The following ST7 variants were observed in gnomAD, a reference collection of about 807,000 sequenced individuals.
The protein encoded by ST7 is suppressor of tumorigenicity 7 protein.
ST7 carries 28 observed loss-of-function variants against 78.7 expected under a neutral mutation model. The observed-to-expected ratio is 0.36, with a 90% confidence interval of 0.26 to 0.49. The LOEUF (loss-of-function observed/expected upper bound fraction) is 0.49, where lower values mean the gene tolerates loss of function less well. Ranked by LOEUF, ST7 falls within the 20% of genes least tolerant of loss-of-function variation. The pLI, the probability that ST7 is intolerant of heterozygous loss-of-function variation, is 0.99. For missense variants in ST7, 418 were observed against 696.0 expected (o/e 0.60, Z 4.49); for synonymous variants, 247 against 249.6 (o/e 0.99, Z 0.10).
intron 7 of ST7, among the ~76,000 whole-genome samples, 200 bp from the exon 8 acceptor site, chr7:117,135,881 G>A (rs113684305): frequency 3.3e-5 from 5 of 152,178 alleles, no homozygotes; most frequent in Middle Eastern, 6.8e-3. Flanking sequence ...TTAACACTAC[G>A]CATCCTACCT....
intron 1 of ST7, among the ~76,000 whole-genome samples, chr7:117,032,902 C>A (rs1339923893): frequency 1.3e-5 from 2 of 152,108 alleles, no homozygotes; most frequent in Non-Finnish European, 2.9e-5. Context: ...TCCAGGCAGG[C>A]CTACTCTGTT....
intron 1 of ST7, chr7:116,959,008 GA>G: frequency 2.8e-6 from 1 of 353,786 alleles, no homozygotes; most frequent in Non-Finnish European, 5.5e-6. Flanking sequence ...CCTTTCCAGA[GA>G]AAGATTTCTC....
chr7:117,211,431 A>G (rs754785857), intron 13 of ST7, among the ~76,000 whole-genome samples: 3 of 152,202 alleles, frequency 2.0e-5, no homozygotes, highest in Admixed American at 6.5e-5. Context: ...AACACAATAC[A>G]TGTTTATTTA....
At chr7:116,984,752 A>G (rs990850929) in intron 1 of ST7, among the ~76,000 whole-genome samples, 1 of 152,208 alleles carries the variant, frequency 6.6e-6, no homozygotes, top group South Asian at 2.1e-4. Context: ...AGTGCTCAAT[A>G]TAGGCATTTG....
rs751920618 is a variant in ST7 at position 117,229,891 on chromosome 7, G to A, written c.*34G>A. On this transcript the variant is annotated 3_prime_UTR_variant, in exon 16 of 16. Transcript: ENST00000323984. Reference sequence around the variant, plus strand: ...CTGTCCTCCACTCACCTCACCCGCCGCTGCCACCATCTCCTCTGTGCCAAC... The same window carrying A: ...CTGTCCTCCACTCACCTCACCCGCCACTGCCACCATCTCCTCTGTGCCAAC... 5.8e-6 allele frequency: 9 copies of A among 1,559,826 alleles called. No homozygotes were observed. In the Admixed American group the frequency reaches 6.7e-5, roughly 12 times the overall value.
rs1028710831 is a variant in ST7 at position 117,098,923 on chromosome 7, C to A, written c.152-839C>A. On this transcript the variant is annotated intron_variant, in intron 1 of 15. Transcript: ENST00000323984. ...AAAATACTTGTAAGTGAACCCTAAT[C>A]AGTGAGCAACAAGGTTAACTGAATA... 9.9e-6 allele frequency: 10 copies of A among 1,007,834 alleles called. No individual in the cohort carries two copies. The African/African-American group carries it at 1.0e-4, about 10-fold the overall frequency. The allele number at this position is 1,007,834 out of a possible 1,614,324, so 62.4% of individuals were successfully genotyped here. A position where few individuals can be genotyped will look rare whatever the true frequency, so the allele number is the denominator to read the frequency against.
chr7:117,140,113 T>G (rs1805150144), intron 9 of ST7, among the ~76,000 whole-genome samples: 1 of 152,238 alleles, frequency 6.6e-6, no homozygotes, highest in Admixed American at 6.5e-5. Context: ...AGGTTTTTTC[T>G]GTCAGTCTCT....
In ST7 at chr7:117,201,633, AC is replaced by A. The variant is rs1375392327; in HGVS notation, c.1255-8153del. On this transcript the variant is annotated intron_variant, in intron 12 of 15. Coordinates refer to ENST00000323984, the MANE Select transcript of ST7 (RefSeq NM_001369598.1). ...GAATGCAGTGGTGCTATCATGGCTC[AC>A]TGCAGCCTCGACCTCCCAAGCTCAA... Among the ~76,000 whole-genome samples, 4 of 151,048 alleles carry A rather than the reference AC, an allele frequency of 2.6e-5. No homozygotes were observed. In the South Asian group the frequency reaches 8.4e-4, roughly 32 times the overall value.
intron 1 of ST7, among the ~76,000 whole-genome samples, chr7:117,003,216 GCC>G (rs1276930469): frequency 4.6e-5 from 7 of 150,540 alleles, no homozygotes; most frequent in Admixed American, 4.6e-4. Flanking sequence ...AGTGTCATGA[GCC>G]CCACCTGGGC....
rs1468751231 is a variant in ST7 at position 117,053,415 on chromosome 7, G to A, written c.152-46347G>A. Reference sequence around the variant, plus strand: ...TAGGGAAGTCAGCTCTGTTACTCACGGGGATCTTTGCCCTCCTCCTTTGAA... The same window carrying A: ...TAGGGAAGTCAGCTCTGTTACTCACAGGGATCTTTGCCCTCCTCCTTTGAA... On this transcript the variant is annotated intron_variant, in intron 1 of 15. Coordinates refer to ENST00000323984, the MANE Select transcript of ST7 (RefSeq NM_001369598.1). Among the ~76,000 whole-genome samples, 5 of 152,326 alleles carry A rather than the reference G, an allele frequency of 3.3e-5. No homozygotes were observed. In the East Asian group the frequency reaches 7.7e-4, roughly 23 times the overall value.
At chr7:117,045,599 T>C (rs1797454000) in intron 1 of ST7, among the ~76,000 whole-genome samples, 1 of 152,190 alleles carries the variant, frequency 6.6e-6, no homozygotes, top group South Asian at 2.1e-4. Flanking sequence ...ATTGCACTTA[T>C]CACTTTCTAA....
At chr7:117,211,688 T>C (rs572910749) in intron 13 of ST7, among the ~76,000 whole-genome samples, 191 of 151,936 alleles carry the variant, frequency 1.3e-3, no homozygotes, top group African/African-American at 4.2e-3. Flanking sequence ...AAAAATGGCA[T>C]CACCATAGAA....
intron 1 of ST7, chr7:116,967,414 G>C (rs1273694201): frequency 4.2e-6 from 2 of 471,130 alleles, no homozygotes; most frequent in Non-Finnish European, 8.8e-6. Context: ...AGTTCCTATT[G>C]TGGACATTAA....
chr7:117,197,417 A>G (rs1290109602), intron 12 of ST7, among the ~76,000 whole-genome samples: 6 of 152,204 alleles, frequency 3.9e-5, no homozygotes, highest in Non-Finnish European at 7.3e-5. Flanking sequence ...TTTTTTAGTC[A>G]GGATTATTTC....
chr7:117,020,460 GC>G, intron 1 of ST7: 1 of 889,858 alleles, frequency 1.1e-6, no homozygotes, highest in South Asian at 2.0e-5. Flanking sequence ...GCTGGACACA[GC>G]TTGGACTGCA....
intron 13 of ST7, among the ~76,000 whole-genome samples, chr7:117,214,144 C>T (rs1309790824): frequency 6.6e-6 from 1 of 152,096 alleles, no homozygotes; most frequent in Non-Finnish European, 1.5e-5. Context: ...AAAGCAGGGT[C>T]GCCTGCCGAC....
intron 1 of ST7, among the ~76,000 whole-genome samples, chr7:117,084,338 G>T (rs531443562): frequency 6.6e-6 from 1 of 152,244 alleles, no homozygotes; most frequent in African/African-American, 2.4e-5. Flanking sequence ...GATCATCCAG[G>T]TAAGAAAAAG....
At chr7:116,999,063 C>A (rs1444758791) in intron 1 of ST7, among the ~76,000 whole-genome samples, 1 of 152,234 alleles carries the variant, frequency 6.6e-6, no homozygotes, top group East Asian at 1.9e-4. Context: ...TACCATGCAA[C>A]CAGCCTAAGG....
At chr7:117,098,892 A>G (rs966074433) in intron 1 of ST7, 2 of 1,204,952 alleles carry the variant, frequency 1.7e-6, no homozygotes, top group African/African-American at 3.1e-5. Context: ...CTTAAAATAT[A>G]TGTATAAAAT....
Sources: allele counts gnomAD v4.1 joint callset (sites outside exome capture counted in the v4.1 genomes callset), GRCh38; gene constraint gnomAD v4.1.1; transcripts MANE v1.5; gene names NCBI Gene and HGNC (gene_info 2026-07-23, HGNC 2026-07-21).